STPG2: variants seen among roughly 807,000 people sequenced by gnomAD.
STPG2 encodes the protein sperm tail PG-rich repeat containing 2.
In STPG2, 56 loss-of-function variants were observed where a neutral mutation model predicts 54.2. The ratio of observed to expected loss-of-function variants is 1.03; its 90% CI spans 0.83 to 1.29. The LOEUF (loss-of-function observed/expected upper bound fraction) is 1.29, where lower values mean the gene tolerates loss of function less well. Ranked by LOEUF, STPG2 falls within the 50% of genes most tolerant of loss-of-function variation. STPG2 has a pLI of 0.00. For synonymous variants in STPG2, 200 were observed against 181.8 expected (o/e 1.10, Z -0.81); for missense variants, 596 against 544.9 (o/e 1.09, Z -0.93).
rs190007345 is a variant in STPG2, at chr4:97,887,412, G to A, written c.1045-46480C>T. Among the ~76,000 whole-genome samples the A allele has an allele frequency of 4.3e-3, 652 of 152,242 alleles. 3 individuals are homozygous for A. Among genetic ancestry groups the A allele is most frequent in the South Asian group, 0.024 (118 of 4,826 alleles). Reference sequence around the variant, plus strand: ...GGGAACTGGAGTAACAATCACTTTCGTTATGCCTTAGAAAAGAACTTGGTT... The same window carrying A: ...GGGAACTGGAGTAACAATCACTTTCATTATGCCTTAGAAAAGAACTTGGTT... On this transcript the variant is annotated intron_variant, in intron 8 of 10. Coordinates refer to ENST00000295268, the MANE Select transcript of STPG2 (RefSeq NM_174952.3).
intron 5 of STPG2, among the ~76,000 whole-genome samples, chr4:97,995,864 G>C (rs1735190254): frequency 6.6e-6 from 1 of 152,086 alleles, no homozygotes; most frequent in South Asian, 2.1e-4. Context: ...CATGGTGGGA[G>C]GTAACTGGAT....
At chr4:97,571,009 A>G (rs1172081498) in intron 10 of STPG2, among the ~76,000 whole-genome samples, 1 of 151,988 alleles carries the variant, frequency 6.6e-6, no homozygotes, top group African/African-American at 2.4e-5. Flanking sequence ...AAAACTTTCT[A>G]CTTTTGTTGC....
At chr4:98,132,560 C>T (rs934140925) in intron 2 of STPG2, among the ~76,000 whole-genome samples, 23 of 151,928 alleles carry the variant, frequency 1.5e-4, no homozygotes, top group African/African-American at 5.3e-4. Flanking sequence ...CTTCTTAAAA[C>T]GTTTCTCCCG....
At chr4:97,750,724 A>G (rs1459923725) in intron 9 of STPG2, among the ~76,000 whole-genome samples, 1 of 151,752 alleles carries the variant, frequency 6.6e-6, no homozygotes, top group Non-Finnish European at 1.5e-5. Context: ...AAAATATATA[A>G]TGTATTAATT....
At chr4:97,697,537 C>T (rs977864240) in intron 10 of STPG2, among the ~76,000 whole-genome samples, 1 of 152,156 alleles carries the variant, frequency 6.6e-6, no homozygotes, top group African/African-American at 2.4e-5. Flanking sequence ...GATGCGAATC[C>T]TGATTCCTGC....
chr4:97,703,667 T>TA, intron 10 of STPG2, among the ~76,000 whole-genome samples: 1 of 115,460 alleles, frequency 8.7e-6, no homozygotes, highest in South Asian at 2.3e-4. Flanking sequence ...AAAACATATA[T>TA]AAAATATATA....
chr4:97,566,434 C>T (rs1469137706), intron 10 of STPG2, among the ~76,000 whole-genome samples: 1 of 152,182 alleles, frequency 6.6e-6, no homozygotes, highest in Non-Finnish European at 1.5e-5. Flanking sequence ...ACATGGCGTG[C>T]TGCACCCACT....
intron 10 of STPG2, among the ~76,000 whole-genome samples, chr4:97,616,948 A>G (rs1457083748): frequency 6.6e-6 from 1 of 152,154 alleles, no homozygotes; most frequent in Non-Finnish European, 1.5e-5. Context: ...AAACATAAAT[A>G]CAATTAATCT....
At chr4:98,132,561 G>T (rs772292563) in intron 2 of STPG2, among the ~76,000 whole-genome samples, 2 of 151,670 alleles carry the variant, frequency 1.3e-5, no homozygotes, top group African/African-American at 2.4e-5. Flanking sequence ...TTCTTAAAAC[G>T]TTTCTCCCGG....
At chr4:97,886,559 G>A (rs1730576378) in intron 8 of STPG2, among the ~76,000 whole-genome samples, 1 of 152,168 alleles carries the variant, frequency 6.6e-6, no homozygotes, top group Non-Finnish European at 1.5e-5. Context: ...ATGACTAAAT[G>A]GAAACCTGTA....
chr4:97,568,794 G>T lies in STPG2; in HGVS notation c.1321-9677C>A, dbSNP rs917154597. On this transcript the variant is annotated intron_variant, in intron 10 of 10. Transcript: ENST00000295268. ...AACAAACAACAACAACAAATGATGG[G>T]TAGAGGCATGTCAAAAGATCCTAGC... is the stretch of plus-strand genomic sequence containing the variant. 3.3e-5 allele frequency among the ~76,000 whole-genome samples: 5 copies of T among 152,092 alleles called. No homozygotes were observed. The East Asian group carries it at 7.7e-4, about 24-fold the overall frequency.
At chr4:97,859,182 T>C (rs1729427436) in intron 8 of STPG2, among the ~76,000 whole-genome samples, 1 of 152,200 alleles carries the variant, frequency 6.6e-6, no homozygotes. Context: ...TTGTTGGCTA[T>C]TTGTAGATCT....
At chr4:97,904,358 T>A (rs1318177555) in intron 8 of STPG2, among the ~76,000 whole-genome samples, 20 of 152,214 alleles carry the variant, frequency 1.3e-4, no homozygotes, top group Non-Finnish European at 2.2e-4. Context: ...CTCACACGGC[T>A]GGCCAGGTAC....
rs545809603 is a variant in STPG2, at chr4:97,813,833, T to C, written c.1204+26940A>G. Among the ~76,000 whole-genome samples the C allele has an allele frequency of 8.6e-5, 13 of 151,984 alleles. 1 individual carries two copies. The South Asian group carries it at 2.7e-3, about 32-fold the overall frequency. On this transcript the variant is annotated intron_variant, in intron 9 of 10. Coordinates refer to ENST00000295268, the MANE Select transcript of STPG2 (RefSeq NM_174952.3). ...ATGAAAAAATACTAATGATTTCCTT[T>C]TATGGGTTGAGAAACTACAGCTCTG...
chr4:98,022,541 T>C (rs944224617), intron 5 of STPG2, among the ~76,000 whole-genome samples: 5 of 151,464 alleles, frequency 3.3e-5, no homozygotes, highest in African/African-American at 1.2e-4. Context: ...GTTCTCTGTA[T>C]TTCCTGAATC....
chr4:97,743,674 T>C (rs945956086), intron 9 of STPG2, among the ~76,000 whole-genome samples: 4 of 151,594 alleles, frequency 2.6e-5, no homozygotes, highest in Non-Finnish European at 5.9e-5. Context: ...AAGTTCTACC[T>C]CAAAGAAATT....
At chr4:97,632,893 A>T (rs1333373211) in intron 10 of STPG2, among the ~76,000 whole-genome samples, 1 of 152,200 alleles carries the variant, frequency 6.6e-6, no homozygotes, top group Non-Finnish European at 1.5e-5. Flanking sequence ...TATTCATTCA[A>T]CAACAATTCA....
At chr4:97,543,189 G>A (rs181989277) in intron 4 of STPG2, among the ~76,000 whole-genome samples, 159 of 151,032 alleles carry the variant, frequency 1.1e-3, no homozygotes, top group African/African-American at 3.7e-3. Context: ...AATGGTCTGG[G>A]GCTTTATTAT....
chr4:97,584,456 G>A (rs1428760434), intron 10 of STPG2, among the ~76,000 whole-genome samples: 1 of 151,606 alleles, frequency 6.6e-6, no homozygotes, highest in African/African-American at 2.4e-5. Context: ...GACAATCTAA[G>A]GTCACACCTC....
Sources: gnomAD v4.1 joint callset for allele counts (sites outside exome capture counted in the v4.1 genomes callset) on GRCh38, gnomAD v4.1.1 for gene constraint, MANE v1.5 for transcripts, NCBI Gene and HGNC (gene_info 2026-07-23, HGNC 2026-07-21) for gene names.